Variants in HNRNPA0 observed in about 807,000 individuals in gnomAD.
HNRNPA0 encodes hnRNA binding protein.
For missense variants in HNRNPA0, 252 were observed against 433.7 expected, an observed-to-expected ratio of 0.58 and a Z score of 3.72; for synonymous variants, 243 against 195.5, an observed-to-expected ratio of 1.24 and a Z score of -2.03.
rs1753537974 is a variant in HNRNPA0 at position 137,753,188 on chromosome 5, G to A, written c.879C>T (p.Gly293=). 1 of 1,613,622 alleles carries A rather than the reference G, an allele frequency of 6.2e-7. No individual in the cohort carries two copies. Among genetic ancestry groups the A allele is most frequent in the Non-Finnish European group, 8.5e-7 (1 of 1,179,946 alleles). The change falls in exon 1 of 1, where the codon GGC becomes GGT. Residue 293 remains glycine (G), a synonymous_variant. Coordinates refer to ENST00000314940, the MANE Select transcript of HNRNPA0 (RefSeq NM_006805.4). The surrounding 1 kb of genome is among the most constrained non-coding windows in gnomAD (Gnocchi z 6.1). The stretch of plus-strand genomic sequence containing the variant: ...CTCCATAGCCACCCCCACCGCCATA[G>A]CCGCCTCTGTAAGGTCCACTATTAC... ...GRSNSGPYRG[G]YGGGGGYGGS... is the part of the protein sequence containing the mutation.
chr5:137,753,825 C>T lies in HNRNPA0; in HGVS notation c.242G>A (p.Arg81Gln). The T allele has an allele frequency of 6.2e-7, 1 of 1,611,766 alleles. No individual in the cohort carries two copies. Among genetic ancestry groups the T allele is most frequent in the Non-Finnish European group, 8.5e-7 (1 of 1,180,018 alleles). ...CGCCGAATCCTCCCGGGACACCGCC[C>T]GCTTCAGCTCCACAGTGTTGCCGTC... is the stretch of plus-strand genomic sequence containing the variant. ...AVDGNTVELK[R>Q]AVSREDSARP... The change falls in exon 1 of 1, where the codon CGG (arginine) becomes CAG (glutamine). Residue 81 changes from arginine (R) to glutamine (Q), a missense_variant. Physicochemically the swap from Arg to Gln is conservative, Grantham distance 43. Coordinates refer to ENST00000314940, the MANE Select transcript of HNRNPA0 (RefSeq NM_006805.4). This position sits in a 1 kb window ranked among gnomAD's most constrained non-coding sequence, Gnocchi z 6.1.
Position 137,749,311 on chromosome 5 carries a change from G to A in HNRNPA0, c.*3838C>T, listed in dbSNP as rs1278093556. The A allele has an allele frequency of 6.6e-6, 1 of 152,154 alleles. No individual in the cohort carries two copies. The highest frequency in any genetic ancestry group is 2.4e-5 in the African/African-American group (1 of 41,448). The allele number at this position is 152,154 out of a possible 1,614,324, so 9.4% of individuals were successfully genotyped here. A position where few individuals can be genotyped will look rare whatever the true frequency, so the allele number is the denominator to read the frequency against. ...ACAGTTAAGAATAACTACCAAAGGTGTCTTCCTGAATCCTTTCCCTCTCTG... is the reference window on the plus strand; with the variant it reads ...ACAGTTAAGAATAACTACCAAAGGTATCTTCCTGAATCCTTTCCCTCTCTG... On this transcript the variant is annotated 3_prime_UTR_variant, in exon 1 of 1. Transcript: ENST00000314940.
rs765941376 is a variant in HNRNPA0 at position 137,752,485 on chromosome 5, G to GA, written c.*663dup. On this transcript the variant is annotated 3_prime_UTR_variant, in exon 1 of 1. Coordinates refer to ENST00000314940, the MANE Select transcript of HNRNPA0 (RefSeq NM_006805.4). ...CAACTAGCAGGGCAACAGGAGAGGG[G>GA]AAAAAAACCACAGGACCTCTTAAGT... The GA allele has an allele frequency of 2.0e-5, 3 of 151,864 alleles. No individual in the cohort carries two copies. The highest frequency in any genetic ancestry group is 1.5e-5 in the Non-Finnish European group (1 of 67,914). The allele number at this position is 151,864 out of a possible 1,614,324, so 9.4% of individuals were successfully genotyped here.
rs908224007 is a variant in HNRNPA0 at position 137,754,361 on chromosome 5, G to C, written c.-295C>G. 3 of 403,470 alleles carry C rather than the reference G, an allele frequency of 7.4e-6. No homozygotes were observed. Among genetic ancestry groups the C allele is most frequent in the South Asian group, 3.7e-5 (1 of 26,720 alleles). 25.0% of individuals were successfully genotyped at this position (403,470 alleles called of 1,614,324 possible). ...CTCCCCTATCTGGGCACCACACAAA[G>C]AGGCCGCTGAACGCGCGCGCACCCT... On this transcript the variant is annotated 5_prime_UTR_variant, in exon 1 of 1. Coordinates refer to ENST00000314940, the MANE Select transcript of HNRNPA0 (RefSeq NM_006805.4).
At position 137,754,076 on chromosome 5, in the gene HNRNPA0, C is replaced by T; in HGVS notation, c.-10G>A. Reference sequence around the variant, plus strand: ...ACTGAGAATTCTCCATCTCCAAGGCCCGGGCCTTGCCCCCGCCCTGCGAGC... The same window carrying T: ...ACTGAGAATTCTCCATCTCCAAGGCTCGGGCCTTGCCCCCGCCCTGCGAGC... On this transcript the variant is annotated 5_prime_UTR_variant, in exon 1 of 1. Transcript: ENST00000314940. 1.2e-6 allele frequency: 2 copies of T among 1,601,002 alleles called. No homozygotes were observed. Among genetic ancestry groups the T allele is most frequent in the South Asian group, 1.1e-5 (1 of 90,070 alleles).
rs746377316 is a variant in HNRNPA0, at chr5:137,753,818, C to T, written c.249G>A (p.Val83=). The part of the protein sequence containing the change: ...DGNTVELKRA[V]SREDSARPGA... ...CGGGCCGCGCCGAATCCTCCCGGGA[C>T]ACCGCCCGCTTCAGCTCCACAGTGT... Residue 83 remains valine, a synonymous_variant, in exon 1 of 1, where the codon GTG becomes GTA. Coordinates refer to ENST00000314940, the MANE Select transcript of HNRNPA0 (RefSeq NM_006805.4). This position sits in a 1 kb window ranked among gnomAD's most constrained non-coding sequence, Gnocchi z 6.1. 1 of 1,611,370 alleles carries T rather than the reference C, an allele frequency of 6.2e-7. No homozygotes were observed. The highest frequency in any genetic ancestry group is 8.5e-7 in the Non-Finnish European group (1 of 1,180,012).
chr5:137,751,611 T>C lies in HNRNPA0; in HGVS notation c.*1538A>G, dbSNP rs1753499032. 6.6e-6 allele frequency: 1 copy of C among 151,938 alleles called. No homozygotes were observed. Among genetic ancestry groups the C allele is most frequent in the South Asian group, 2.1e-4 (1 of 4,772 alleles). The allele number at this position is 151,938 out of a possible 1,614,324, so 9.4% of individuals were successfully genotyped here. On this transcript the variant is annotated 3_prime_UTR_variant, in exon 1 of 1. Transcript: ENST00000314940. ...TCTTTATTTGTGATATCCATAAACG[T>C]TGCTATTCTCTATTTCTATCCAGAA...
chr5:137,751,013 C>T lies in HNRNPA0; in HGVS notation c.*2136G>A, dbSNP rs1753487324. 6.6e-6 allele frequency: 1 copy of T among 152,118 alleles called. No homozygotes were observed. Among genetic ancestry groups the T allele is most frequent in the African/African-American group, 2.4e-5 (1 of 41,432 alleles). 9.4% of individuals were successfully genotyped at this position (152,118 alleles called of 1,614,324 possible). ...CATTTTCTGTATCCTAGAGGCCACT[C>T]TACAGCCACCAAAAAGCTGGACCAA... On this transcript the variant is annotated 3_prime_UTR_variant, in exon 1 of 1. Transcript: ENST00000314940.
At position 137,753,006 on chromosome 5, in the gene HNRNPA0, G is replaced by A. The variant is rs1753532475; in HGVS notation, c.*143C>T. 1.2e-6 allele frequency: 1 copy of A among 811,764 alleles called. No homozygotes were observed. The highest frequency in any genetic ancestry group is 2.9e-5 in the Admixed American group (1 of 34,458). 50.3% of individuals were successfully genotyped at this position (811,764 alleles called of 1,614,324 possible). On this transcript the variant is annotated 3_prime_UTR_variant, in exon 1 of 1. Transcript: ENST00000314940. The surrounding 1 kb of genome is among the most constrained non-coding windows in gnomAD (Gnocchi z 6.1). ...GGCAAATAGAGGAACACCCCCAAGG[G>A]TAAGCAGCCTTAGAAGTGGCTCCCC... is the stretch of plus-strand genomic sequence containing the variant.
rs1753496543 is a variant in HNRNPA0, at chr5:137,751,444, G to T, written c.*1705C>A. ...ATCTTTCAGAAAGCTTCTTAGTATA[G>T]CTTTGAGCCTTCAACGTCAACATGT... is the stretch of plus-strand genomic sequence containing the variant. On this transcript the variant is annotated 3_prime_UTR_variant, in exon 1 of 1. Coordinates refer to ENST00000314940, the MANE Select transcript of HNRNPA0 (RefSeq NM_006805.4). The T allele has an allele frequency of 6.7e-6, 1 of 148,638 alleles. No individual in the cohort carries two copies. The highest frequency in any genetic ancestry group is 1.5e-5 in the Non-Finnish European group (1 of 67,190). 9.2% of individuals were successfully genotyped at this position (148,638 alleles called of 1,614,324 possible).
Position 137,753,531 on chromosome 5 carries a change from A to G in HNRNPA0, c.536T>C (p.Ile179Thr). The change falls in exon 1 of 1, where the codon ATC becomes ACC. Residue 179 changes from isoleucine to threonine, a missense_variant. By Grantham distance (89) the Ile-to-Thr change is moderately conservative. Coordinates refer to ENST00000314940, the MANE Select transcript of HNRNPA0 (RefSeq NM_006805.4). This position sits in a 1 kb window ranked among gnomAD's most constrained non-coding sequence, Gnocchi z 6.1. The stretch of plus-strand genomic sequence containing the variant: ...GCCGCCTCCACCCCCACCGGAGTAG[A>G]TATCCTCCTTGGGGACTGCTTTCTT... ...EVKKAVPKEDIYSGGGGGGSR... is the reference protein window; with the variant it reads ...EVKKAVPKEDTYSGGGGGGSR... The G allele has an allele frequency of 6.2e-7, 1 of 1,611,530 alleles. No individual in the cohort carries two copies. The highest frequency in any genetic ancestry group is 1.1e-5 in the South Asian group (1 of 90,834).
In HNRNPA0 at chr5:137,752,922, A is replaced by G; in HGVS notation, c.*227T>C. 1 of 489,958 alleles carries G rather than the reference A, an allele frequency of 2.0e-6. No individual in the cohort carries two copies. Among genetic ancestry groups the G allele is most frequent in the Non-Finnish European group, 3.6e-6 (1 of 278,626 alleles). 30.4% of individuals were successfully genotyped at this position (489,958 alleles called of 1,614,324 possible). A position where few individuals can be genotyped will look rare whatever the true frequency, so the allele number is the denominator to read the frequency against. ...AATAGAGTCCATCAATGACTGTAAC[A>G]CAAAAATGTGTATGTGGGGCCGAGT... On this transcript the variant is annotated 3_prime_UTR_variant, in exon 1 of 1. Coordinates refer to ENST00000314940, the MANE Select transcript of HNRNPA0 (RefSeq NM_006805.4).
At position 137,751,074 on chromosome 5, in the gene HNRNPA0, A is replaced by G. The variant is rs1405972563; in HGVS notation, c.*2075T>C. The G allele has an allele frequency of 2.0e-5, 3 of 152,338 alleles. No homozygotes were observed. The highest frequency in any genetic ancestry group is 4.4e-5 in the Non-Finnish European group (3 of 68,020). The allele number at this position is 152,338 out of a possible 1,614,324, so 9.4% of individuals were successfully genotyped here. On this transcript the variant is annotated 3_prime_UTR_variant, in exon 1 of 1. Transcript: ENST00000314940. ...GAAGTAGCCCACATGTAATTTGTGT[A>G]TCACTAGAATTAAAAAATAAGACAG...
chr5:137,752,930 G>A lies in HNRNPA0; in HGVS notation c.*219C>T. The A allele has an allele frequency of 2.0e-6, 1 of 501,226 alleles. No individual in the cohort carries two copies. The allele number at this position is 501,226 out of a possible 1,614,324, so 31.0% of individuals were successfully genotyped here. A position where few individuals can be genotyped will look rare whatever the true frequency, so the allele number is the denominator to read the frequency against. ...CCATCAATGACTGTAACACAAAAAT[G>A]TGTATGTGGGGCCGAGTCCATCTTC... On this transcript the variant is annotated 3_prime_UTR_variant, in exon 1 of 1. Coordinates refer to ENST00000314940, the MANE Select transcript of HNRNPA0 (RefSeq NM_006805.4).
Position 137,753,241 on chromosome 5 carries a change from C to T in HNRNPA0, c.826G>A (p.Gly276Ser). Residue 276 changes from glycine to serine, a missense_variant, in exon 1 of 1, where the codon GGT (glycine) becomes AGT (serine). Transcript: ENST00000314940. The surrounding 1 kb of genome is among the most constrained non-coding windows in gnomAD (Gnocchi z 6.1). ...CGACCGCCCCAGCTACTGCCTCCAC[C>T]GCCGCCGCCGCCGCCGCTCTTCATG... The part of the protein sequence containing the change: ...GPMKSGGGGG[G>S]GGSSWGGRSN... The T allele has an allele frequency of 6.3e-7, 1 of 1,582,848 alleles. No individual in the cohort carries two copies. Among genetic ancestry groups the T allele is most frequent in the Non-Finnish European group, 8.6e-7 (1 of 1,160,916 alleles).
chr5:137,746,106 T>G lies in HNRNPA0; in HGVS notation c.*7043A>C, dbSNP rs1376324501. On this transcript the variant is annotated 3_prime_UTR_variant, in exon 1 of 1. Transcript: ENST00000314940. ...TTTTCTGCACACCCCCAATTCAAGA[T>G]TCATTTTGGCCAAAAAGCAGCATCT... 6.6e-6 allele frequency: 1 copy of G among 152,194 alleles called. No individual in the cohort carries two copies. Among genetic ancestry groups the G allele is most frequent in the Non-Finnish European group, 1.5e-5 (1 of 68,044 alleles). 9.4% of individuals were successfully genotyped at this position (152,194 alleles called of 1,614,324 possible).
rs1753529783 is a variant in HNRNPA0 at position 137,752,935 on chromosome 5, T to C, written c.*214A>G. Reference sequence around the variant, plus strand: ...AATGACTGTAACACAAAAATGTGTATGTGGGGCCGAGTCCATCTTCAGAGG... The same window carrying C: ...AATGACTGTAACACAAAAATGTGTACGTGGGGCCGAGTCCATCTTCAGAGG... On this transcript the variant is annotated 3_prime_UTR_variant, in exon 1 of 1. Transcript: ENST00000314940. The C allele has an allele frequency of 3.9e-6, 2 of 517,404 alleles. No homozygotes were observed. The highest frequency in any genetic ancestry group is 3.6e-5 in the South Asian group (1 of 27,618). 32.1% of individuals were successfully genotyped at this position (517,404 alleles called of 1,614,324 possible).
rs1753560897 is a variant in HNRNPA0 at position 137,754,211 on chromosome 5, G to A, written c.-145C>T. 1.9e-6 allele frequency: 2 copies of A among 1,065,466 alleles called. No homozygotes were observed. The highest frequency in any genetic ancestry group is 2.7e-6 in the Non-Finnish European group (2 of 750,116). 66.0% of individuals were successfully genotyped at this position (1,065,466 alleles called of 1,614,324 possible). A position where few individuals can be genotyped will look rare whatever the true frequency, so the allele number is the denominator to read the frequency against. ...CGCTCACCGACGGGGAAGGGAAAAA[G>A]GGAAGGGGAGGGAAGGAAGGAAGAG... On this transcript the variant is annotated 5_prime_UTR_variant, in exon 1 of 1. Transcript: ENST00000314940.
Position 137,754,014 on chromosome 5 carries a change from G to A in HNRNPA0, c.53C>T (p.Thr18Met). Reference protein sequence around the residue: ...KLFIGGLNVQTSESGLRGHFE... With the variant: ...KLFIGGLNVQMSESGLRGHFE... ...GTGGCCGCGCAGGCCCGACTCACTC[G>A]TCTGCACATTGAGGCCGCCGATGAA... The change falls in exon 1 of 1, where the codon ACG (threonine) becomes ATG (methionine). Residue 18 changes from threonine (T) to methionine (M), a missense_variant. By Grantham distance (81) the Thr-to-Met change is moderately conservative (BLOSUM62 -1). Coordinates refer to ENST00000314940, the MANE Select transcript of HNRNPA0 (RefSeq NM_006805.4). 6.2e-7 allele frequency: 1 copy of A among 1,614,062 alleles called. No individual in the cohort carries two copies. The highest frequency in any genetic ancestry group is 8.5e-7 in the Non-Finnish European group (1 of 1,180,026).
Sources: gnomAD v4.1 joint callset for allele counts on GRCh38, gnomAD v4.1.1 for gene constraint, Gnocchi (gnomAD v3.1) non-coding constraint, MANE v1.5 for transcripts, NCBI Gene and HGNC (gene_info 2026-07-23, HGNC 2026-07-21) for gene names.